ASPH: variants seen among roughly 807,000 people sequenced by gnomAD.
The protein encoded by ASPH is aspartate beta-hydroxylase.
ASPH carries 100 observed loss-of-function variants against 118.4 expected under a neutral mutation model. That is an observed-to-expected ratio of 0.84 (90% CI 0.72 to 1.00). The LOEUF is 1.00. Among genes scored for constraint, ASPH ranks in the 50% least tolerant of loss-of-function variants. ASPH has a pLI of 0.00. For synonymous variants in ASPH, 315 were observed against 325.6 expected (o/e 0.97, Z 0.35); for missense variants, 920 against 919.5 (o/e 1.00, Z -0.01).
intron 6 of ASPH, among the ~76,000 whole-genome samples, chr8:61,645,447 C>T (rs1185217482): frequency 6.6e-6 from 1 of 152,138 alleles, no homozygotes; most frequent in Non-Finnish European, 1.5e-5. Context: ...CTTACTGAGC[C>T]ATTTAGGCCA....
intron 3 of ASPH, 41 bp from the exon 4 acceptor site, chr8:61,653,701 G>C: frequency 6.3e-7 from 1 of 1,585,990 alleles, no homozygotes; most frequent in Non-Finnish European, 8.6e-7. Flanking sequence ...AGTTTTTGTG[G>C]GGTTTTCTGT....
chr8:61,705,651 C>G (rs891024502), intron 1 of ASPH, among the ~76,000 whole-genome samples: 4 of 152,114 alleles, frequency 2.6e-5, no homozygotes, highest in African/African-American at 9.7e-5. Context: ...GAGAACTTTA[C>G]AGGGTGATGA....
At chr8:61,709,525 C>T (rs2151922691) in intron 1 of ASPH, among the ~76,000 whole-genome samples, 1 of 152,324 alleles carries the variant, frequency 6.6e-6, no homozygotes, top group South Asian at 2.1e-4. Context: ...ATGAAGCAAG[C>T]AGCCCTTGCA....
chr8:61,620,586 G>C, intron 13 of ASPH, among the ~76,000 whole-genome samples: 1 of 151,896 alleles, frequency 6.6e-6, no homozygotes, highest in Non-Finnish European at 1.5e-5. Context: ...AGCTGAACTA[G>C]ACTATTCAAT....
chr8:61,600,554 C>A (rs1301484627), intron 14 of ASPH, among the ~76,000 whole-genome samples: 2 of 150,856 alleles, frequency 1.3e-5, no homozygotes, highest in Non-Finnish European at 2.9e-5. Context: ...AATCAATATG[C>A]AAAAATCAGT....
In ASPH at chr8:61,576,761, T is replaced by A; in HGVS notation, c.1149+11A>T. On this transcript the variant is annotated intron_variant, in intron 16 of 24. Transcript: ENST00000379454. ...CAAAAAAGTGTCCTAAGGAGAAGGGTCTCAGAATACCTGCGCCTTCCCATA... is the reference window on the plus strand; with the variant it reads ...CAAAAAAGTGTCCTAAGGAGAAGGGACTCAGAATACCTGCGCCTTCCCATA... 1.2e-6 allele frequency: 2 copies of A among 1,602,872 alleles called. No individual in the cohort carries two copies. Among genetic ancestry groups the A allele is most frequent in the Middle Eastern group, 1.7e-4 (1 of 6,014 alleles).
At chr8:61,644,538 T>C in intron 7 of ASPH, 62 bp downstream of exon 7, 2 of 1,241,272 alleles carry the variant, frequency 1.6e-6, no homozygotes, top group Non-Finnish European at 2.2e-6. Context: ...TTATGTATTT[T>C]ATGATGCCCT....
chr8:61,688,028 T>C (rs1831226931), intron 1 of ASPH, among the ~76,000 whole-genome samples: 1 of 152,144 alleles, frequency 6.6e-6, no homozygotes, highest in Non-Finnish European at 1.5e-5. Context: ...TTGGTAAATA[T>C]GCTGTGCCTA....
At chr8:61,544,923 T>C (rs1170417896) in intron 21 of ASPH, among the ~76,000 whole-genome samples, 1 of 152,042 alleles carries the variant, frequency 6.6e-6, no homozygotes, top group Non-Finnish European at 1.5e-5. Context: ...ATCTGAAGGA[T>C]AAAAAGGAAT....
chr8:61,524,791 T>C (rs541023799), intron 22 of ASPH, among the ~76,000 whole-genome samples: 4 of 151,944 alleles, frequency 2.6e-5, no homozygotes, highest in Middle Eastern at 3.4e-3. Context: ...TTTCTAGAAA[T>C]TAGTGCTAGG....
intron 17 of ASPH, among the ~76,000 whole-genome samples, chr8:61,566,122 C>T (rs1386996193): frequency 6.6e-6 from 1 of 152,128 alleles, no homozygotes; most frequent in Non-Finnish European, 1.5e-5. Context: ...TTCTGCAGTT[C>T]ATGGATCAAG....
At chr8:61,660,971 G>C (rs1816594360) in intron 3 of ASPH, 1 of 152,014 alleles carries the variant, frequency 6.6e-6, no homozygotes, top group African/African-American at 2.4e-5. Flanking sequence ...CTGGTTATTA[G>C]GCTTCTCGAT....
rs1284443186 is a variant in ASPH, at chr8:61,518,125, T to C, written c.1901-2A>G. The C allele has an allele frequency of 6.2e-7, 1 of 1,609,534 alleles. No homozygotes were observed. Among genetic ancestry groups the C allele is most frequent in the African/African-American group, 1.3e-5 (1 of 74,872 alleles). On this transcript the variant is annotated splice_acceptor_variant, in intron 22 of 24. Coordinates refer to ENST00000379454, the MANE Select transcript of ASPH (RefSeq NM_004318.4). LOFTEE classifies it high-confidence loss of function. ...TGCAGGCATTTTCATTTCTTCTTCCTAGAATAAATAACATAATTGTTGGAA... is the reference window on the plus strand; with the variant it reads ...TGCAGGCATTTTCATTTCTTCTTCCCAGAATAAATAACATAATTGTTGGAA...
Position 61,621,068 on chromosome 8 carries a change from G to A in ASPH, c.935-2049C>T, listed in dbSNP as rs181164408. ...GGTTGGACATATGCCCAGAAACAAG[G>A]GCCACCATCTTTCTTCAACTTCCCA... is the stretch of plus-strand genomic sequence containing the variant. On this transcript the variant is annotated intron_variant, in intron 13 of 24. Transcript: ENST00000379454. Among the ~76,000 whole-genome samples the A allele has an allele frequency of 2.6e-5, 4 of 152,190 alleles. No individual in the cohort carries two copies. The East Asian group carries it at 7.7e-4, about 29-fold the overall frequency.
At chr8:61,690,591 G>C (rs1396872399) in intron 1 of ASPH, among the ~76,000 whole-genome samples, 1 of 151,824 alleles carries the variant, frequency 6.6e-6, no homozygotes, top group Admixed American at 6.6e-5. Context: ...TCTAACATTA[G>C]CAGTTCACAG....
Position 61,659,168 on chromosome 8 carries a change from T to G in ASPH, c.323-5508A>C, listed in dbSNP as rs1815413766. 2.6e-5 allele frequency: 4 copies of G among 152,252 alleles called. No individual in the cohort carries two copies. The South Asian group carries it at 8.3e-4, about 32-fold the overall frequency. The allele number at this position is 152,252 out of a possible 1,614,324, so 9.4% of individuals were successfully genotyped here. A position where few individuals can be genotyped will look rare whatever the true frequency, so the allele number is the denominator to read the frequency against. ...TGTACTGACAATCGTTTCAGTCTCATTACTTTCTCTCTCAGCCCCTTGCTT... is the reference window on the plus strand; with the variant it reads ...TGTACTGACAATCGTTTCAGTCTCAGTACTTTCTCTCTCAGCCCCTTGCTT... On this transcript the variant is annotated intron_variant, in intron 3 of 24. Coordinates refer to ENST00000379454, the MANE Select transcript of ASPH (RefSeq NM_004318.4).
intron 24 of ASPH, among the ~76,000 whole-genome samples, chr8:61,511,859 T>C (rs13282653): frequency 0.97 from 148,212 of 152,248 alleles, 72,147 homozygotes; most frequent in East Asian, 1. Flanking sequence ...CTGCCTCGGC[T>C]TCCCAAAGTA....
chr8:61,676,709 CCA>C (rs1210724900), intron 3 of ASPH, among the ~76,000 whole-genome samples: 1 of 152,088 alleles, frequency 6.6e-6, no homozygotes, highest in East Asian at 1.9e-4. Flanking sequence ...CTGACAACCT[CCA>C]GATTTGCTCA....
At chr8:61,685,181 A>G (rs749705474) in intron 1 of ASPH, among the ~76,000 whole-genome samples, 1 of 152,002 alleles carries the variant, frequency 6.6e-6, no homozygotes, top group Non-Finnish European at 1.5e-5. Flanking sequence ...ATGCAGGACA[A>G]TGTTTCATCC....
Sources: gnomAD v4.1 joint callset for allele counts (sites outside exome capture counted in the v4.1 genomes callset) on GRCh38, gnomAD v4.1.1 for gene constraint, MANE v1.5 for transcripts, NCBI Gene and HGNC (gene_info 2026-07-23, HGNC 2026-07-21) for gene names.